FOXP2: variants seen among roughly 807,000 people sequenced by gnomAD.
The protein encoded by FOXP2 is forkhead box protein P2.
In FOXP2, 12 loss-of-function variants were observed where a neutral mutation model predicts 115.8. The ratio of observed to expected loss-of-function variants is 0.10; its 90% CI spans 0.07 to 0.17. The LOEUF is 0.17. FOXP2 is among the 10% of genes least tolerant of loss of function. The pLI is 1.00. For missense variants in FOXP2, 629 were observed against 843.5 expected, an observed-to-expected ratio of 0.75 and a Z score of 3.15; for synonymous variants, 328 against 297.7, an observed-to-expected ratio of 1.10 and a Z score of -1.05.
chr7:114,646,174 A>G (rs2129335255), intron 8 of FOXP2, among the ~76,000 whole-genome samples: 1 of 151,464 alleles, frequency 6.6e-6, no homozygotes, highest in African/African-American at 2.4e-5. Flanking sequence ...TCAATGTATT[A>G]TTCCTTGTCA....
At position 114,528,404 on chromosome 7, in the gene FOXP2, T is replaced by C. The variant is rs1798976623; in HGVS notation, c.169-6213T>C. 2.6e-5 allele frequency among the ~76,000 whole-genome samples: 4 copies of C among 152,210 alleles called. No homozygotes were observed. In the South Asian group the frequency reaches 8.3e-4, roughly 32 times the overall value. On this transcript the variant is annotated intron_variant, in intron 2 of 16. Transcript: ENST00000350908. ...TTGACATTCAACTGGATCTTTCTTA[T>C]TAAACAATAAGCTTTTGAAGATAGA...
At chr7:114,266,704 CAGG>C (rs1795904299) in intron 1 of FOXP2, among the ~76,000 whole-genome samples, 2 of 152,246 alleles carry the variant, frequency 1.3e-5, no homozygotes, top group Admixed American at 1.3e-4. Context: ...CAAACTATAA[CAGG>C]AGGATTACTG....
chr7:114,273,597 T>C (rs1449497709), intron 1 of FOXP2, among the ~76,000 whole-genome samples: 2 of 152,086 alleles, frequency 1.3e-5, no homozygotes, highest in African/African-American at 4.8e-5. Context: ...TGCCAATTTA[T>C]CAATTTCCAC....
intron 1 of FOXP2, among the ~76,000 whole-genome samples, chr7:114,101,506 G>C (rs1239559382): frequency 6.6e-6 from 1 of 152,062 alleles, no homozygotes; most frequent in Non-Finnish European, 1.5e-5. Context: ...TGTCAGAAAA[G>C]GAAACAAGGT....
chr7:114,511,702 A>ATGAAGGATATTCATTATCCTTGATATTG (rs1290456370), intron 2 of FOXP2, among the ~76,000 whole-genome samples: 3 of 152,176 alleles, frequency 2.0e-5, no homozygotes, highest in East Asian at 1.9e-4. Flanking sequence ...AATAACTTTA[A>ATGAAGGATATTCATTATCCTTGATATTG]TGAAGGATAT....
intron 2 of FOXP2, among the ~76,000 whole-genome samples, chr7:114,371,106 T>A (rs1054343106): frequency 6.6e-6 from 1 of 152,142 alleles, no homozygotes; most frequent in African/African-American, 2.4e-5. Flanking sequence ...ATTTATTTAT[T>A]TATTTTTTTG....
chr7:114,373,400 A>G (rs1382647572), intron 2 of FOXP2, among the ~76,000 whole-genome samples: 1 of 152,178 alleles, frequency 6.6e-6, no homozygotes, highest in Non-Finnish European at 1.5e-5. Flanking sequence ...GATTACCAGT[A>G]CGTAATCCAA....
At chr7:114,443,788 TG>T (rs984663292) in intron 2 of FOXP2, among the ~76,000 whole-genome samples, 2 of 152,196 alleles carry the variant, frequency 1.3e-5, no homozygotes, top group Admixed American at 6.5e-5. Flanking sequence ...TGCCATTGTG[TG>T]TATGTACCAC....
chr7:114,318,726 T>TATATATATATATATATATATATATACAC (rs1417603943), intron 2 of FOXP2, among the ~76,000 whole-genome samples: 5 of 151,086 alleles, frequency 3.3e-5, no homozygotes, highest in African/African-American at 1.2e-4. Context: ...TATATATATA[T>TATATATATATATATATATATATATACAC]ACACACACAC....
chr7:114,508,846 G>A (rs986119129), intron 2 of FOXP2, among the ~76,000 whole-genome samples: 2 of 152,054 alleles, frequency 1.3e-5, no homozygotes, highest in Admixed American at 1.3e-4. Context: ...CAGTAATGTA[G>A]AGTAATGAAT....
chr7:114,457,875 C>T (rs1292548512), intron 2 of FOXP2, among the ~76,000 whole-genome samples: 2 of 144,298 alleles, frequency 1.4e-5, no homozygotes, highest in East Asian at 2.0e-4. Context: ...TCCAGCTGGG[C>T]GACAGCGAGA....
At chr7:114,545,971 C>G (rs530074820) in intron 3 of FOXP2, among the ~76,000 whole-genome samples, 3 of 152,036 alleles carry the variant, frequency 2.0e-5, no homozygotes, top group African/African-American at 7.2e-5. Flanking sequence ...TGTATCACAC[C>G]GAATCATAAT....
chr7:114,366,509 T>C (rs931841567), intron 2 of FOXP2: 1 of 152,168 alleles, frequency 6.6e-6, no homozygotes, highest in African/African-American at 2.4e-5. Flanking sequence ...AAAAAGCCAG[T>C]ACTCATATAT....
At chr7:114,234,209 T>C (rs1383896102) in intron 1 of FOXP2, among the ~76,000 whole-genome samples, 1 of 152,174 alleles carries the variant, frequency 6.6e-6, no homozygotes, top group Non-Finnish European at 1.5e-5. Context: ...AATGAAATAA[T>C]TGAGGAACCT....
intron 2 of FOXP2, among the ~76,000 whole-genome samples, chr7:114,397,201 A>G (rs941322079): frequency 1.3e-5 from 2 of 152,196 alleles, no homozygotes; most frequent in African/African-American, 4.8e-5. Flanking sequence ...TAAAAATTTA[A>G]AAGTTTATCT....
rs1303921535 is a variant in FOXP2 at position 114,693,753 on chromosome 7, TC to T, written c.*3828del. The T allele has an allele frequency of 3.1e-6, 1 of 317,506 alleles. No individual in the cohort carries two copies. The highest frequency in any genetic ancestry group is 2.2e-5 in the African/African-American group (1 of 45,326). The allele number at this position is 317,506 out of a possible 1,614,324, so 19.7% of individuals were successfully genotyped here. A position where few individuals can be genotyped will look rare whatever the true frequency, so the allele number is the denominator to read the frequency against. On this transcript the variant is annotated 3_prime_UTR_variant, in exon 17 of 17. Transcript: ENST00000350908. Reference sequence around the variant, plus strand: ...TGAAGTATAAATAAAAAAATCTAATTCTTTTTGACCCATTTATAACCAATAG... The same window carrying T: ...TGAAGTATAAATAAAAAAATCTAATTTTTTTGACCCATTTATAACCAATAG...
intron 6 of FOXP2, among the ~76,000 whole-genome samples, chr7:114,641,378 A>G (rs180750409): frequency 5.3e-4 from 80 of 152,308 alleles, no homozygotes; most frequent in African/African-American, 1.9e-3. Flanking sequence ...TATAATTCAA[A>G]TAAATTTGCA....
At chr7:114,240,457 T>C (rs1167141192) in intron 1 of FOXP2, among the ~76,000 whole-genome samples, 1 of 152,156 alleles carries the variant, frequency 6.6e-6, no homozygotes, top group Non-Finnish European at 1.5e-5. Flanking sequence ...GCCTTTTCCA[T>C]GATAATTTAT....
chr7:114,582,265 T>C (rs762519909), intron 3 of FOXP2, among the ~76,000 whole-genome samples: 6 of 152,172 alleles, frequency 3.9e-5, no homozygotes, highest in Non-Finnish European at 5.9e-5. Flanking sequence ...ATGAGCAAAC[T>C]CATAGTTAGA....
Sources: allele counts gnomAD v4.1 joint callset (sites outside exome capture counted in the v4.1 genomes callset), GRCh38; gene constraint gnomAD v4.1.1; transcripts MANE v1.5; gene names NCBI Gene and HGNC (gene_info 2026-07-23, HGNC 2026-07-21).